Variants in PFKFB3 observed in about 807,000 individuals in gnomAD.
The protein encoded by PFKFB3 is 6-phosphofructo-2-kinase/fructose-2,6-biphosphatase 3, also known as 6-phosphofructo-2-kinase/fructose-2,6-bisphosphatase 3.
In PFKFB3, 33 loss-of-function variants were observed where a neutral mutation model predicts 68.0. The observed-to-expected ratio is 0.49, with a 90% CI of 0.37 to 0.65. The LOEUF is 0.65. Ranked by LOEUF, PFKFB3 falls within the 30% of genes least tolerant of loss-of-function variation. The pLI is 0.00. For missense variants in PFKFB3, 586 were observed against 712.2 expected, an observed-to-expected ratio of 0.82 and a Z score of 2.02; for synonymous variants, 315 against 288.2, an observed-to-expected ratio of 1.09 and a Z score of -0.94.
chr10:6,242,604 T>C (rs1846164854), intron 14 of PFKFB3, among the ~76,000 whole-genome samples: 1 of 151,698 alleles, frequency 6.6e-6, no homozygotes, highest in African/African-American at 2.4e-5. Context: ...TTTTTTTTTT[T>C]TGAGACGGAG....
intron 1 of PFKFB3, among the ~76,000 whole-genome samples, chr10:6,182,948 C>T (rs893443973): frequency 6.6e-6 from 1 of 152,180 alleles, no homozygotes; most frequent in African/African-American, 2.4e-5. Context: ...CACAGACCCA[C>T]CTGTCGCCAC....
chr10:6,210,078 G>T (rs953244302), intron 1 of PFKFB3, among the ~76,000 whole-genome samples: 1 of 110,098 alleles, frequency 9.1e-6, no homozygotes, highest in African/African-American at 2.7e-5. Context: ...TAATCACTGT[G>T]CCTTGCCAGG....
At chr10:6,277,793 A>G in the PFKFB3 span, 5 of 416,780 alleles carry the variant, frequency 1.2e-5, no homozygotes, top group Admixed American at 2.5e-5. Context: ...TTCTTCATAA[A>G]TTACCCAGTC....
Position 6,219,685 on chromosome 10 carries a change from A to G in PFKFB3, c.615A>G (p.Lys205=), listed in dbSNP as rs756036883. 6.2e-7 allele frequency: 1 copy of G among 1,613,718 alleles called. No individual in the cohort carries two copies. Among genetic ancestry groups the G allele is most frequent in the South Asian group, 1.1e-5 (1 of 91,070 alleles). The change falls in exon 7 of 15, where the codon AAA becomes AAG. Residue 205 remains lysine (K), a synonymous_variant. Transcript: ENST00000379775. ...GCTACCAGCCCCTCGACCCCGACAA[A>G]TGCGACAGGTGATTCCCGTGGCTGG... The part of the protein sequence containing the change: ...EASYQPLDPD[K]CDRDLSLIKV...
downstream of PFKFB3, among the ~76,000 whole-genome samples, chr10:6,240,139 C>T (rs943713861): frequency 2.6e-5 from 4 of 152,212 alleles, no homozygotes; most frequent in Non-Finnish European, 5.9e-5. Context: ...CTATTTATCT[C>T]ATGCTCAGTG....
chr10:6,202,892 G>A, upstream of PFKFB3: 1 of 1,118,284 alleles, frequency 8.9e-7, no homozygotes, highest in Non-Finnish European at 1.1e-6. Context: ...TCTGCGGCCA[G>A]CCCGGACTCT....
At chr10:6,240,413 C>T (rs371488258), downstream of PFKFB3, among the ~76,000 whole-genome samples, 69 of 151,980 alleles carry the variant, frequency 4.5e-4, no homozygotes, top group South Asian at 0.013. Context: ...TACAGGTGCC[C>T]GCCTCCACGC....
chr10:6,233,044 G>T lies in PFKFB3; in HGVS notation c.*102G>T. On this transcript the variant is annotated 3_prime_UTR_variant, in exon 15 of 15. Transcript: ENST00000379775. ...TATCCTGAGGACTTCTTCCGGAGAG[G>T]GTGGGGTGGAGCAGCGGGGGAGCCT... 1 of 926,074 alleles carries T rather than the reference G, an allele frequency of 1.1e-6. No individual in the cohort carries two copies. Among genetic ancestry groups the T allele is most frequent in the Admixed American group, 1.8e-5 (1 of 56,824 alleles). The allele number at this position is 926,074 out of a possible 1,614,324, so 57.4% of individuals were successfully genotyped here.
rs371347480 is a variant in PFKFB3 at position 6,216,060 on chromosome 10, G to A, written c.300-65G>A. 6.6e-4 allele frequency: 950 copies of A among 1,436,562 alleles called. 3 individuals carry two copies. The African/African-American group carries it at 9.2e-3, about 14-fold the overall frequency. 89.0% of individuals were successfully genotyped at this position (1,436,562 alleles called of 1,614,324 possible). On this transcript the variant is annotated intron_variant, in intron 3 of 14. Transcript: ENST00000379775. ...CTCTGCTTGTCGGGGCGTGTCGGGA[G>A]TTGCTTGGGCTGCCCCAGCGGATGC...
Position 6,233,148 on chromosome 10 carries a change from G to A in PFKFB3, c.*206G>A, listed in dbSNP as rs111841872. On this transcript the variant is annotated 3_prime_UTR_variant, in exon 15 of 15. Transcript: ENST00000379775. ...CCAGAAAGCCACGTGGGTCCCTGGC[G>A]CCCTGCCTTTAGCCGTGGGGCCCCC... 58 of 557,588 alleles carry A rather than the reference G, an allele frequency of 1.0e-4. No homozygotes were observed. The highest frequency in any genetic ancestry group is 1.0e-3 in the East Asian group (34 of 33,520). The allele number at this position is 557,588 out of a possible 1,614,324, so 34.5% of individuals were successfully genotyped here. A position where few individuals can be genotyped will look rare whatever the true frequency, so the allele number is the denominator to read the frequency against.
At chr10:6,309,497 C>A in the PFKFB3 span, among the ~76,000 whole-genome samples, 1 of 152,044 alleles carries the variant, frequency 6.6e-6, no homozygotes, top group East Asian at 1.9e-4. Flanking sequence ...TGGTGCATGC[C>A]TGTAATCCTA....
chr10:6,174,678 A>C (rs1175984466), intron 1 of PFKFB3, among the ~76,000 whole-genome samples: 1 of 152,244 alleles, frequency 6.6e-6, no homozygotes, highest in African/African-American at 2.4e-5. Flanking sequence ...ACAAAGCCCC[A>C]GAGGAAGGTG....
rs568423285 is a variant in PFKFB3, at chr10:6,147,716, C to T, written c.16+2703C>T. Among the ~76,000 whole-genome samples the T allele has an allele frequency of 2.6e-5, 4 of 151,390 alleles. No homozygotes were observed. The South Asian group carries it at 8.3e-4, about 31-fold the overall frequency. ...TCCTCAACCTAGACCTCACTCCTTC[C>T]TCCCTCTGATCTCATGGCTTTGGCA... On this transcript the variant is annotated intron_variant, in intron 1 of 14. Transcript: ENST00000379789.
the PFKFB3 span, among the ~76,000 whole-genome samples, chr10:6,260,244 C>G: frequency 2.0e-5 from 3 of 151,840 alleles, no homozygotes; most frequent in Admixed American, 6.6e-5. Flanking sequence ...AACCCCGTCT[C>G]TACTAAAAAT....
At chr10:6,230,343 A>G (rs1267186281) in intron 14 of PFKFB3, among the ~76,000 whole-genome samples, 2 of 152,138 alleles carry the variant, frequency 1.3e-5, no homozygotes, top group Non-Finnish European at 2.9e-5. Flanking sequence ...AGTCAGACCA[A>G]GCCAGGCCTG....
chr10:6,231,692 G>C, intron 14 of PFKFB3: 1 of 614,494 alleles, frequency 1.6e-6, no homozygotes, highest in Non-Finnish European at 2.0e-6. Context: ...CTAGATATGA[G>C]GACCCAGGGC....
At chr10:6,214,134 C>T (rs1844409283) in intron 2 of PFKFB3, among the ~76,000 whole-genome samples, 1 of 152,192 alleles carries the variant, frequency 6.6e-6, no homozygotes, top group Admixed American at 6.5e-5. Flanking sequence ...CTGTGGACTG[C>T]TATGTTGGGT....
chr10:6,297,517 T>G, the PFKFB3 span, among the ~76,000 whole-genome samples: 7 of 151,882 alleles, frequency 4.6e-5, no homozygotes, highest in East Asian at 1.2e-3. Flanking sequence ...TTTTTTTTTT[T>G]GTAGGCATCC....
At chr10:6,248,818 T>G (rs1196492126) in intron 14 of PFKFB3, among the ~76,000 whole-genome samples, 1 of 152,116 alleles carries the variant, frequency 6.6e-6, no homozygotes, top group East Asian at 1.9e-4. Context: ...AGTTCACACC[T>G]GTCAAAATGG....
Sources: gnomAD v4.1 joint callset for allele counts (sites outside exome capture counted in the v4.1 genomes callset) on GRCh38, gnomAD v4.1.1 for gene constraint, MANE v1.5 for transcripts, NCBI Gene and HGNC (gene_info 2026-07-23, HGNC 2026-07-21) for gene names.